The following ZBTB25 variants were observed in gnomAD, a reference collection of about 807,000 sequenced individuals.
ZBTB25 encodes zinc finger and BTB domain containing 25.
A neutral mutation model predicts 34.2 loss-of-function variants in ZBTB25; 20 were observed. That is an observed-to-expected ratio of 0.58 (90% CI 0.41 to 0.85). The LOEUF is 0.85. Among genes scored for constraint, ZBTB25 ranks in the 40% least tolerant of loss-of-function variants. The pLI, the probability that ZBTB25 is intolerant of heterozygous loss-of-function variation, is 0.00. For synonymous variants in ZBTB25, 175 were observed against 186.4 expected (o/e 0.94, Z 0.50); for missense variants, 437 against 521.8 (o/e 0.84, Z 1.58).
intron 2 of ZBTB25, chr14:64,454,592 A>C: frequency 1.3e-6 from 1 of 745,338 alleles, no homozygotes; most frequent in East Asian, 2.7e-5. Flanking sequence ...GGACAGCAAG[A>C]TAGAGATGTA....
chr14:64,486,519 G>C lies in ZBTB25; in HGVS notation c.*404C>G. The C allele has an allele frequency of 7.3e-6, 7 of 962,108 alleles. No individual in the cohort carries two copies. The highest frequency in any genetic ancestry group is 8.7e-6 in the Non-Finnish European group (7 of 807,614). 59.6% of individuals were successfully genotyped at this position (962,108 alleles called of 1,614,324 possible). A position where few individuals can be genotyped will look rare whatever the true frequency, so the allele number is the denominator to read the frequency against. On this transcript the variant is annotated 3_prime_UTR_variant, in exon 3 of 3. Transcript: ENST00000608382. ...AAATATTTAAAAATAATCCTGGTAG[G>C]AGTGAATTCATGTGAAATGTAGGCA... is the stretch of plus-strand genomic sequence containing the variant.
At chr14:64,457,968 G>A (rs1318606057) in intron 2 of ZBTB25, 3 of 578,278 alleles carry the variant, frequency 5.2e-6, no homozygotes, top group African/African-American at 1.9e-5. Context: ...ATGGCTCACT[G>A]TGGCCTCAAC....
At chr14:64,466,176 G>A (rs2078611107) in intron 2 of ZBTB25, among the ~76,000 whole-genome samples, 1 of 152,196 alleles carries the variant, frequency 6.6e-6, no homozygotes, top group South Asian at 2.1e-4. Context: ...AATTCCATCA[G>A]GAAATGAGCA....
chr14:64,456,684 A>G (rs984797939), intron 2 of ZBTB25, among the ~76,000 whole-genome samples: 4 of 152,120 alleles, frequency 2.6e-5, no homozygotes, highest in African/African-American at 9.7e-5. Flanking sequence ...CCTCTCTCCT[A>G]CTTGTCTCAC....
At chr14:64,491,852 G>T (rs1343716940) in intron 1 of ZBTB25, among the ~76,000 whole-genome samples, 3 of 152,184 alleles carry the variant, frequency 2.0e-5, no homozygotes, top group Admixed American at 1.3e-4. Flanking sequence ...GGAGGTCAGT[G>T]ATGTAATGCA....
In ZBTB25 at chr14:64,486,889, C is replaced by A; in HGVS notation, c.*34G>T. ...AAAATGCCACGCAAATTTTCTTTTT[C>A]AGAATTGGTATAAAAATTCTGAAAG... On this transcript the variant is annotated 3_prime_UTR_variant, in exon 3 of 3. Coordinates refer to ENST00000608382, the MANE Select transcript of ZBTB25 (RefSeq NM_006977.5). 1.3e-6 allele frequency: 2 copies of A among 1,524,720 alleles called. No homozygotes were observed. The highest frequency in any genetic ancestry group is 1.3e-5 in the South Asian group (1 of 76,902). 94.4% of individuals were successfully genotyped at this position (1,524,720 alleles called of 1,614,324 possible).
intron 2 of ZBTB25, among the ~76,000 whole-genome samples, chr14:64,489,868 C>T (rs1218281117): frequency 2.6e-5 from 4 of 151,442 alleles, no homozygotes; most frequent in African/African-American, 9.7e-5. Context: ...TCTTATTTTC[C>T]ATTATGGATC....
In ZBTB25 at chr14:64,480,052, G is replaced by A. The variant is rs1017777756; in HGVS notation, c.*6871C>T. 1 of 160,154 alleles carries A rather than the reference G, an allele frequency of 6.2e-6. No homozygotes were observed. Among genetic ancestry groups the A allele is most frequent in the Non-Finnish European group, 1.4e-5 (1 of 72,916 alleles). 9.9% of individuals were successfully genotyped at this position (160,154 alleles called of 1,614,324 possible). A position where few individuals can be genotyped will look rare whatever the true frequency, so the allele number is the denominator to read the frequency against. ...AGAGAAGAAAGAAGCAGCTGGGCGCGGTGGCTCACGCCTGTAATCCCAGCA... is the reference window on the plus strand; with the variant it reads ...AGAGAAGAAAGAAGCAGCTGGGCGCAGTGGCTCACGCCTGTAATCCCAGCA... On this transcript the variant is annotated 3_prime_UTR_variant, in exon 3 of 3. Transcript: ENST00000608382.
intron 2 of ZBTB25, among the ~76,000 whole-genome samples, chr14:64,453,480 A>G (rs1240923978): frequency 1.3e-5 from 2 of 152,204 alleles, no homozygotes; most frequent in Non-Finnish European, 2.9e-5. Flanking sequence ...CTGAGGCAGG[A>G]GAATCGCTTG....
At chr14:64,459,430 A>G (rs1390345940) in intron 2 of ZBTB25, among the ~76,000 whole-genome samples, 1 of 152,238 alleles carries the variant, frequency 6.6e-6, no homozygotes. Context: ...AAGCTCTTGC[A>G]TTATTTGAGA....
chr14:64,498,697 G>A (rs1444437667), intron 1 of ZBTB25, among the ~76,000 whole-genome samples: 3 of 151,860 alleles, frequency 2.0e-5, no homozygotes, highest in Non-Finnish European at 2.9e-5. Flanking sequence ...GCAGTGGCAC[G>A]ATCTCGGCTC....
In ZBTB25 at chr14:64,487,883, T is replaced by C; in HGVS notation, c.348A>G (p.Gln116=). ...YLSHIATEMN[Q]VFSPETVQSS... ...ACTGCACAGTCTCTGGTGAGAACAC[T>C]TGATTCATTTCAGTTGCAATGTGAG... Residue 116 remains glutamine, a synonymous_variant, in exon 3 of 3, where the codon CAA becomes CAG. Transcript: ENST00000608382. The C allele has an allele frequency of 6.2e-7, 1 of 1,614,226 alleles. No individual in the cohort carries two copies. The highest frequency in any genetic ancestry group is 8.5e-7 in the Non-Finnish European group (1 of 1,180,030).
At chr14:64,503,470 C>G in intron 1 of ZBTB25, 191 bp downstream of exon 1, 1 of 985,456 alleles carries the variant, frequency 1.0e-6, no homozygotes, top group African/African-American at 1.7e-5. Flanking sequence ...ATTGTCGGCC[C>G]AGCGCTCACT....
intron 2 of ZBTB25, chr14:64,459,759 A>G (rs1232009686): frequency 6.5e-7 from 1 of 1,532,422 alleles, no homozygotes; most frequent in Non-Finnish European, 8.7e-7. Context: ...TTCCTTCCAG[A>G]TCACCATCCA....
chr14:64,494,244 A>G (rs1800106398), intron 1 of ZBTB25, among the ~76,000 whole-genome samples: 1 of 152,236 alleles, frequency 6.6e-6, no homozygotes, highest in Non-Finnish European at 1.5e-5. Flanking sequence ...CATTACAAAC[A>G]TGTCGAGTGT....
chr14:64,495,473 C>T (rs932426801), intron 1 of ZBTB25, among the ~76,000 whole-genome samples: 2 of 152,200 alleles, frequency 1.3e-5, no homozygotes, highest in East Asian at 1.9e-4. Flanking sequence ...ACTGTGAGCT[C>T]TGTCCTCTTT....
At chr14:64,490,624 C>A (rs2079046551) in intron 1 of ZBTB25, 84 bp from the exon 2 acceptor site, 1 of 1,257,976 alleles carries the variant, frequency 7.9e-7, no homozygotes, top group Non-Finnish European at 1.1e-6. Context: ...GTCTACAGTT[C>A]ACACAAACCT....
chr14:64,466,205 C>G (rs758591288), intron 2 of ZBTB25, among the ~76,000 whole-genome samples: 6 of 152,340 alleles, frequency 3.9e-5, no homozygotes, highest in Non-Finnish European at 8.8e-5. Flanking sequence ...TTAAGATTTC[C>G]TGAGGCGATA....
In ZBTB25 at chr14:64,486,116, G is replaced by A. The variant is rs1596608984; in HGVS notation, c.*807C>T. The A allele has an allele frequency of 5.6e-6, 4 of 715,838 alleles. No homozygotes were observed. Among genetic ancestry groups the A allele is most frequent in the South Asian group, 6.3e-5 (1 of 15,818 alleles). The allele number at this position is 715,838 out of a possible 1,614,324, so 44.3% of individuals were successfully genotyped here. On this transcript the variant is annotated 3_prime_UTR_variant, in exon 3 of 3. Transcript: ENST00000608382. ...AGATCGAGACCATCCTGGCTAACAC[G>A]GTGAAACCCCGTCTCTACTAAAAAA...
Sources: allele counts gnomAD v4.1 joint callset (sites outside exome capture counted in the v4.1 genomes callset), GRCh38; gene constraint gnomAD v4.1.1; transcripts MANE v1.5; gene names NCBI Gene and HGNC (gene_info 2026-07-23, HGNC 2026-07-21).